FRMPD1: variants seen among roughly 807,000 people sequenced by gnomAD.
FRMPD1 encodes the protein FERM and PDZ domain containing 1.
Under a neutral mutation model 117.8 loss-of-function variants are expected in FRMPD1, and 76 were observed. The observed-to-expected ratio is 0.65, with a 90% CI of 0.54 to 0.78. The LOEUF (loss-of-function observed/expected upper bound fraction) is 0.78. FRMPD1 is among the 30% of genes least tolerant of loss of function. FRMPD1 has a pLI of 0.00. For synonymous variants in FRMPD1, 783 were observed against 770.4 expected, an observed-to-expected ratio of 1.02 and a Z score of -0.27; for missense variants, 1,786 against 1,964.5, an observed-to-expected ratio of 0.91 and a Z score of 1.72.
intron 4 of FRMPD1, among the ~76,000 whole-genome samples, chr9:37,711,105 T>TA (rs990091298): frequency 2.7e-4 from 41 of 152,256 alleles, no homozygotes; most frequent in Admixed American, 1.8e-3. Context: ...GAGGTGAACT[T>TA]ACGAAAATTC....
intron 14 of FRMPD1, 133 bp downstream of exon 14, chr9:37,737,376 G>A (rs1824184795): frequency 7.4e-6 from 5 of 679,882 alleles, no homozygotes; most frequent in African/African-American, 7.2e-5. Context: ...CTATTTCTCT[G>A]TTTATTTCCT....
At chr9:37,696,051 C>CT (rs61521469) in intron 2 of FRMPD1, among the ~76,000 whole-genome samples, 3,289 of 78,030 alleles carry the variant, frequency 0.042, 185 homozygotes, top group African/African-American at 0.084. Context: ...CATTGTTTTG[C>CT]TTTTTTTTTT....
the FRMPD1 span, among the ~76,000 whole-genome samples, chr9:37,612,092 A>G: frequency 8.5e-5 from 13 of 152,134 alleles, 1 homozygote; most frequent in Admixed American, 7.9e-4. Context: ...TTGACCATTT[A>G]TAGGCCTAGA....
chr9:37,687,496 G>A (rs572847187), intron 1 of FRMPD1, among the ~76,000 whole-genome samples: 105 of 152,278 alleles, frequency 6.9e-4, no homozygotes, highest in African/African-American at 2.4e-3. Flanking sequence ...CAACGGACTC[G>A]ATCCTAGAGG....
intron 1 of FRMPD1, among the ~76,000 whole-genome samples, chr9:37,691,496 ATAAT>A (rs1389408779): frequency 2.0e-5 from 3 of 152,258 alleles, no homozygotes; most frequent in Admixed American, 6.5e-5. Flanking sequence ...CAAAGGTAAA[ATAAT>A]TATGTAAGAT....
chr9:37,716,649 CT>C (rs1324628720), intron 5 of FRMPD1, among the ~76,000 whole-genome samples: 1 of 152,192 alleles, frequency 6.6e-6, no homozygotes, highest in Admixed American at 6.5e-5. Flanking sequence ...TGTTCTGCCC[CT>C]GATTTTTTAT....
At chr9:37,635,195 A>G in the FRMPD1 span, among the ~76,000 whole-genome samples, 2 of 152,168 alleles carry the variant, frequency 1.3e-5, no homozygotes, top group African/African-American at 4.8e-5. Context: ...GCTGTCCTCT[A>G]TGGGTAGCCT....
intron 2 of FRMPD1, among the ~76,000 whole-genome samples, chr9:37,694,337 G>A (rs4878717): frequency 0.68 from 104,138 of 152,172 alleles, 36,004 homozygotes; most frequent in East Asian, 0.94. Flanking sequence ...GTCTCGCAGA[G>A]AAAGAGACCT....
At chr9:37,666,763 G>A (rs980687645) in intron 1 of FRMPD1, among the ~76,000 whole-genome samples, 2 of 152,090 alleles carry the variant, frequency 1.3e-5, no homozygotes, top group Non-Finnish European at 2.9e-5. Context: ...CAAGCTTCTT[G>A]ACTGAAGAGA....
At chr9:37,603,903 C>T in the FRMPD1 span, among the ~76,000 whole-genome samples, 3 of 152,166 alleles carry the variant, frequency 2.0e-5, no homozygotes. Context: ...TGGTCTCGAA[C>T]TCCTGACCTC....
intron 1 of FRMPD1, among the ~76,000 whole-genome samples, chr9:37,682,252 G>A (rs1386087028): frequency 2.6e-5 from 4 of 152,194 alleles, no homozygotes; most frequent in Non-Finnish European, 5.9e-5. Flanking sequence ...TCCAAATGGA[G>A]TTATGGATTC....
chr9:37,696,460 T>G (rs1252193262), intron 2 of FRMPD1, among the ~76,000 whole-genome samples: 1 of 152,172 alleles, frequency 6.6e-6, no homozygotes, highest in Admixed American at 6.5e-5. Context: ...TAACGGACAT[T>G]CAATAAATTT....
the FRMPD1 span, among the ~76,000 whole-genome samples, chr9:37,623,208 C>T: frequency 6.6e-6 from 1 of 152,150 alleles, no homozygotes; most frequent in African/African-American, 2.4e-5. Context: ...GTGCTGAGAC[C>T]ACTCTATGCT....
chr9:37,709,980 CA>C (rs1383813737), intron 4 of FRMPD1, among the ~76,000 whole-genome samples: 2 of 152,188 alleles, frequency 1.3e-5, no homozygotes, highest in East Asian at 3.8e-4. Context: ...GTGAGAATCC[CA>C]GGACGCCTTA....
chr9:37,617,862 A>G, the FRMPD1 span, among the ~76,000 whole-genome samples: 3 of 152,292 alleles, frequency 2.0e-5, no homozygotes, highest in African/African-American at 7.2e-5. Flanking sequence ...AGTTCACTGG[A>G]CAGCTGCCCT....
At chr9:37,679,281 T>G (rs535419172) in intron 1 of FRMPD1, among the ~76,000 whole-genome samples, 2 of 152,254 alleles carry the variant, frequency 1.3e-5, no homozygotes, top group African/African-American at 4.8e-5. Context: ...AAACTTCTGA[T>G]TTGAAAGGGC....
chr9:37,739,206 T>C (rs1449421461), intron 14 of FRMPD1, among the ~76,000 whole-genome samples: 2 of 152,006 alleles, frequency 1.3e-5, no homozygotes, highest in Non-Finnish European at 2.9e-5. Context: ...GAGGAGGCCT[T>C]AGGGCCATCC....
the FRMPD1 span, among the ~76,000 whole-genome samples, chr9:37,631,008 G>A: frequency 6.6e-6 from 1 of 152,194 alleles, no homozygotes; most frequent in African/African-American, 2.4e-5. Flanking sequence ...ATAATGTAAT[G>A]TGCTAAGTGC....
the FRMPD1 span, among the ~76,000 whole-genome samples, chr9:37,643,335 C>A: frequency 6.6e-6 from 1 of 151,860 alleles, no homozygotes; most frequent in Admixed American, 6.6e-5. Flanking sequence ...ATTTGCATAT[C>A]TTCTAGATAT....
Sources: allele counts gnomAD v4.1 joint callset (sites outside exome capture counted in the v4.1 genomes callset), GRCh38; gene constraint gnomAD v4.1.1; transcripts MANE v1.5; gene names NCBI Gene and HGNC (gene_info 2026-07-23, HGNC 2026-07-21).